Variants in FAM135B observed in about 807,000 individuals in gnomAD.
FAM135B encodes protein FAM135B.
In FAM135B, 43 loss-of-function variants were observed where a neutral mutation model predicts 127.7. The ratio of observed to expected loss-of-function variants is 0.34; its 90% CI spans 0.26 to 0.43. FAM135B has a LOEUF of 0.43. Ranked by LOEUF, FAM135B falls within the 20% of genes least tolerant of loss-of-function variation. The pLI is 1.00. For synonymous variants in FAM135B, 670 were observed against 665.1 expected (o/e 1.01, Z -0.11); for missense variants, 1,558 against 1,725.6 (o/e 0.90, Z 1.72).
At chr8:138,249,751 C>T (rs80043541) in intron 6 of FAM135B, among the ~76,000 whole-genome samples, 1,963 of 152,286 alleles carry the variant, frequency 0.013, 44 homozygotes, top group African/African-American at 0.044. Flanking sequence ...TGCACCTAAA[C>T]TGTCAGCACT....
chr8:138,302,613 T>C (rs1825970520), intron 3 of FAM135B, among the ~76,000 whole-genome samples: 1 of 152,244 alleles, frequency 6.6e-6, no homozygotes, highest in Middle Eastern at 3.4e-3. Flanking sequence ...CTTGATGACC[T>C]GCACCAGAAA....
intron 1 of FAM135B, among the ~76,000 whole-genome samples, chr8:138,428,315 A>G (rs1835011444): frequency 1.3e-5 from 2 of 152,176 alleles, no homozygotes; most frequent in Non-Finnish European, 2.9e-5. Flanking sequence ...AACCACAGCT[A>G]GTATACAGTC....
chr8:138,312,647 A>G (rs1826779302), intron 2 of FAM135B, among the ~76,000 whole-genome samples: 1 of 151,610 alleles, frequency 6.6e-6, no homozygotes, highest in South Asian at 2.1e-4. Flanking sequence ...CAAGAAACAG[A>G]AAACACTGTG....
At chr8:138,223,856 T>TA (rs1162126424) in intron 7 of FAM135B, among the ~76,000 whole-genome samples, 4 of 152,272 alleles carry the variant, frequency 2.6e-5, no homozygotes, top group Admixed American at 6.5e-5. Flanking sequence ...TATGCAGCCA[T>TA]AAAAAATCAC....
At position 138,283,421 on chromosome 8, in the gene FAM135B, T is replaced by TTA. The variant is rs1824425762; in HGVS notation, c.158-17580_158-17579insTA. Among the ~76,000 whole-genome samples, 8 of 148,670 alleles carry TTA rather than the reference T, an allele frequency of 5.4e-5. No individual in the cohort carries two copies. In the South Asian group the frequency reaches 1.7e-3, roughly 32 times the overall value. On this transcript the variant is annotated intron_variant, in intron 3 of 19. Coordinates refer to ENST00000395297, the MANE Select transcript of FAM135B (RefSeq NM_015912.4). ...GAAAAAGACAAAACTATGGATACAG[T>TTA]AAAAAAAAAAAATAGTGGTTTTTCA... is the stretch of plus-strand genomic sequence containing the variant.
intron 3 of FAM135B, among the ~76,000 whole-genome samples, chr8:138,307,878 G>C (rs1424494552): frequency 6.6e-6 from 1 of 152,044 alleles, no homozygotes; most frequent in South Asian, 2.1e-4. Context: ...CTTCCAATAT[G>C]CTATATTTTT....
In FAM135B at chr8:138,150,646, G is replaced by A. The variant is rs201344189; in HGVS notation, c.3281+548C>T. Among the ~76,000 whole-genome samples the A allele has an allele frequency of 4.0e-5, 6 of 151,658 alleles. No homozygotes were observed. In the East Asian group the frequency reaches 7.8e-4, roughly 20 times the overall value. On this transcript the variant is annotated intron_variant, in intron 13 of 19. Coordinates refer to ENST00000395297, the MANE Select transcript of FAM135B (RefSeq NM_015912.4). ...TTGCGTCACTGCACTCCAGCCTGGCGACAGAGTGAGACTCTGTCTCAATAA... is the reference window on the plus strand; with the variant it reads ...TTGCGTCACTGCACTCCAGCCTGGCAACAGAGTGAGACTCTGTCTCAATAA...
At chr8:138,497,274 G>A (rs1036188293), upstream of FAM135B, among the ~76,000 whole-genome samples, 43 of 150,422 alleles carry the variant, frequency 2.9e-4, no homozygotes, top group African/African-American at 9.2e-4. Context: ...CTGGCGGCGC[G>A]GCTCACGCGC....
At chr8:138,376,845 A>G (rs1450501174) in intron 1 of FAM135B, among the ~76,000 whole-genome samples, 5 of 152,238 alleles carry the variant, frequency 3.3e-5, no homozygotes, top group African/African-American at 1.2e-4. Context: ...CAGAAATTCA[A>G]AAGGTCCCTC....
At chr8:138,344,661 C>T (rs1056988372) in intron 2 of FAM135B, among the ~76,000 whole-genome samples, 3 of 145,870 alleles carry the variant, frequency 2.1e-5, no homozygotes, top group East Asian at 2.1e-4. Context: ...CTGCAATCTC[C>T]GCCTCCCAGG....
At chr8:138,231,636 A>G (rs1819915688) in intron 7 of FAM135B, among the ~76,000 whole-genome samples, 1 of 152,188 alleles carries the variant, frequency 6.6e-6, no homozygotes, top group South Asian at 2.1e-4. Context: ...CTCAAAGTGG[A>G]CAAAAGACAA....
At chr8:138,184,684 G>C (rs1815389326) in intron 9 of FAM135B, among the ~76,000 whole-genome samples, 1 of 152,150 alleles carries the variant, frequency 6.6e-6, no homozygotes, top group Non-Finnish European at 1.5e-5. Flanking sequence ...CCTGTGTCCA[G>C]CTTCACGGCA....
rs188746496 is a variant in FAM135B at position 138,295,628 on chromosome 8, C to T, written c.157+15213G>A. 1.6e-3 allele frequency among the ~76,000 whole-genome samples: 245 copies of T among 152,120 alleles called. 1 individual carries two copies. The highest frequency in any genetic ancestry group is 2.1e-3 in the Non-Finnish European group (140 of 68,002). Reference sequence around the variant, plus strand: ...AGCAGAGTTCTGAAGGAAATGAAGGCGTGAGGAGGCAAAGCAGAGGGGAGA... The same window carrying T: ...AGCAGAGTTCTGAAGGAAATGAAGGTGTGAGGAGGCAAAGCAGAGGGGAGA... On this transcript the variant is annotated intron_variant, in intron 3 of 19. Coordinates refer to ENST00000395297, the MANE Select transcript of FAM135B (RefSeq NM_015912.4).
chr8:138,217,098 C>G (rs1413839183), intron 7 of FAM135B, among the ~76,000 whole-genome samples: 2 of 152,164 alleles, frequency 1.3e-5, no homozygotes, highest in Non-Finnish European at 2.9e-5. Flanking sequence ...CCAAAATGAC[C>G]AGCATCATCA....
chr8:138,160,271 T>C (rs1272642346), intron 12 of FAM135B, among the ~76,000 whole-genome samples: 2 of 152,190 alleles, frequency 1.3e-5, no homozygotes, highest in Non-Finnish European at 2.9e-5. Context: ...CTGGGAGTCA[T>C]TCTAACAAAT....
chr8:138,316,969 G>C (rs1413218725), intron 2 of FAM135B, among the ~76,000 whole-genome samples: 1 of 147,256 alleles, frequency 6.8e-6, no homozygotes, highest in African/African-American at 2.5e-5. Flanking sequence ...GACAGAGCAA[G>C]ACTCCATCTC....
chr8:138,336,611 A>G (rs1395472149), intron 2 of FAM135B, among the ~76,000 whole-genome samples: 1 of 152,204 alleles, frequency 6.6e-6, no homozygotes, highest in African/African-American at 2.4e-5. Flanking sequence ...TGAGGCAATA[A>G]CTAATAGCTT....
At chr8:138,353,667 G>A (rs776231236) in intron 2 of FAM135B, among the ~76,000 whole-genome samples, 61 of 152,286 alleles carry the variant, frequency 4.0e-4, no homozygotes, top group Middle Eastern at 3.4e-3. Context: ...GGGTGGCCAA[G>A]TGACCTTGGG....
intron 2 of FAM135B, among the ~76,000 whole-genome samples, chr8:138,340,343 C>G (rs1390824246): frequency 6.6e-6 from 1 of 152,188 alleles, no homozygotes; most frequent in Non-Finnish European, 1.5e-5. Context: ...CATCTATGCT[C>G]CAGGCCTGTG....
Sources: allele counts gnomAD v4.1 joint callset (sites outside exome capture counted in the v4.1 genomes callset), GRCh38; gene constraint gnomAD v4.1.1; transcripts MANE v1.5; gene names NCBI Gene and HGNC (gene_info 2026-07-23, HGNC 2026-07-21).